ASAH2: variants seen among roughly 807,000 people sequenced by gnomAD.
The protein encoded by ASAH2 is neutral ceramidase.
ASAH2 carries 58 observed loss-of-function variants against 82.9 expected under a neutral mutation model. The ratio of observed to expected loss-of-function variants is 0.70; its 90% CI spans 0.57 to 0.87. The LOEUF (loss-of-function observed/expected upper bound fraction) is 0.87. ASAH2 is among the 40% of genes least tolerant of loss of function. The pLI is 0.00. For missense variants in ASAH2, 779 were observed against 834.0 expected (o/e 0.93, Z 0.81); for synonymous variants, 276 against 289.7 (o/e 0.95, Z 0.48).
intron 8 of ASAH2, among the ~76,000 whole-genome samples, chr10:50,215,087 A>C (rs1171528907): frequency 1.3e-5 from 2 of 152,192 alleles, no homozygotes. Context: ...CCCATTTGCC[A>C]ATGTTGGCTT....
chr10:50,243,295 A>G lies in ASAH2; in HGVS notation c.417T>C (p.Ser139=). 3 of 1,614,176 alleles carry G rather than the reference A, an allele frequency of 1.9e-6. No homozygotes were observed. The highest frequency in any genetic ancestry group is 2.5e-6 in the Non-Finnish European group (3 of 1,179,994). Residue 139 remains serine (S), a synonymous_variant, in exon 4 of 21, where the codon AGT becomes AGC. Transcript: ENST00000682911. Reference sequence around the variant, plus strand: ...CAGGTTCTGCCATGATGAAGGCACGACTGTATAGCCTGGTGAGGATGCCCT... The same window carrying G: ...CAGGTTCTGCCATGATGAAGGCACGGCTGTATAGCCTGGTGAGGATGCCCT... The part of the protein sequence containing the change: ...NAQGILTRLY[S]RAFIMAEPDG...
At chr10:50,198,113 C>T (rs1818843021) in intron 17 of ASAH2, among the ~76,000 whole-genome samples, 1 of 152,064 alleles carries the variant, frequency 6.6e-6, no homozygotes, top group African/African-American at 2.4e-5. Flanking sequence ...TTTCAACGTT[C>T]AATTGATGCA....
rs1194075120 is a variant in ASAH2 at position 50,243,354 on chromosome 10, A to T, written c.361-3T>A. 2.5e-6 allele frequency: 4 copies of T among 1,613,786 alleles called. No homozygotes were observed. In the African/African-American group the frequency reaches 5.3e-5, roughly 22 times the overall value. On this transcript the variant is annotated splice_polypyrimidine_tract_variant and splice_region_variant and intron_variant, in intron 3 of 20. Transcript: ENST00000682911. ...TGGCCGGATTTGCCATAGCCCATCT[A>T]AAGAGGAAGAGACAATCAGAGCTGC... is the stretch of plus-strand genomic sequence containing the variant.
At chr10:50,201,060 A>G (rs1326745272) in intron 16 of ASAH2, among the ~76,000 whole-genome samples, 2 of 152,036 alleles carry the variant, frequency 1.3e-5, no homozygotes, top group Admixed American at 6.6e-5. Context: ...CAGAGAAAAG[A>G]GAAGGAGCAT....
chr10:50,231,026 G>A (rs1245425686), intron 7 of ASAH2, among the ~76,000 whole-genome samples: 2 of 144,310 alleles, frequency 1.4e-5, no homozygotes, highest in Non-Finnish European at 3.0e-5. Context: ...AGGCAGCAGA[G>A]CAAAAGCTTG....
intron 20 of ASAH2, among the ~76,000 whole-genome samples, chr10:50,187,913 G>GTA (rs1473952678): frequency 5.4e-4 from 11 of 20,192 alleles, no homozygotes; most frequent in African/African-American, 6.6e-4. Context: ...ATATATATAT[G>GTA]TATATATATA....
intron 7 of ASAH2, among the ~76,000 whole-genome samples, chr10:50,225,795 G>T (rs1253845190): frequency 6.6e-6 from 1 of 152,096 alleles, no homozygotes; most frequent in African/African-American, 2.4e-5. Flanking sequence ...ATCTGTTCAA[G>T]AATGCTTATC....
At chr10:50,246,395 C>T (rs937373166) in intron 2 of ASAH2, among the ~76,000 whole-genome samples, 6 of 152,162 alleles carry the variant, frequency 3.9e-5, no homozygotes, top group African/African-American at 1.4e-4. Flanking sequence ...ATTTTCTTTA[C>T]CTATTTAGAC....
At chr10:50,244,902 C>T (rs1412505165) in intron 3 of ASAH2, among the ~76,000 whole-genome samples, 2 of 151,588 alleles carry the variant, frequency 1.3e-5, no homozygotes, top group Non-Finnish European at 2.9e-5. Context: ...TGAGCATTCA[C>T]TAGACATTTC....
At chr10:50,234,662 TGGGTCCACATTAC>T in intron 5 of ASAH2, 110 bp from the exon 6 acceptor site, 2 of 1,441,270 alleles carry the variant, frequency 1.4e-6, no homozygotes, top group Non-Finnish European at 1.9e-6. Flanking sequence ...TTGTCTCTAA[TGGGTCCACATTAC>T]GGGATAAAAG....
At chr10:50,200,800 T>C (rs899918575) in intron 16 of ASAH2, among the ~76,000 whole-genome samples, 4 of 152,112 alleles carry the variant, frequency 2.6e-5, no homozygotes, top group Admixed American at 6.6e-5. Context: ...AGTATATCCC[T>C]GTGATATGGA....
intron 7 of ASAH2, among the ~76,000 whole-genome samples, chr10:50,231,286 A>C (rs965795885): frequency 2.0e-5 from 3 of 152,106 alleles, no homozygotes; most frequent in Non-Finnish European, 2.9e-5. Flanking sequence ...CCTTTTACCA[A>C]TGCCCTGACC....
At chr10:50,214,277 A>G (rs902123878) in intron 9 of ASAH2, among the ~76,000 whole-genome samples, 47 of 152,264 alleles carry the variant, frequency 3.1e-4, no homozygotes, top group African/African-American at 1.1e-3. Flanking sequence ...ACTTTTTACT[A>G]TTCTCTGTAC....
In ASAH2 at chr10:50,214,816, T is replaced by C. The variant is rs764774098; in HGVS notation, c.1067A>G (p.Asn356Ser). 1.2e-6 allele frequency: 2 copies of C among 1,613,786 alleles called. No homozygotes were observed. The highest frequency in any genetic ancestry group is 1.7e-6 in the Non-Finnish European group (2 of 1,179,704). The change falls in exon 9 of 21, where the codon AAC becomes AGC. Residue 356 changes from asparagine to serine, a missense_variant. By Grantham distance (46) the Asn-to-Ser change is conservative. This residue lies in a region of ASAH2 where 759 missense variants were observed against 755.2 expected (regional missense o/e 1.00). Coordinates refer to ENST00000682911, the MANE Select transcript of ASAH2 (RefSeq NM_019893.4). The part of the protein sequence containing the change: ...ASSNLGDVSP[N>S]ILGPRCINTG... ...GTTGATGCAACGTGGTCCAAGAATG[T>C]TGGGGGACACATCTCCTAGGTTTGA...
At chr10:50,212,093 A>G (rs1342774660) in intron 10 of ASAH2, among the ~76,000 whole-genome samples, 6 of 151,884 alleles carry the variant, frequency 4.0e-5, no homozygotes, top group African/African-American at 1.5e-4. Flanking sequence ...TGTTGCTACC[A>G]ATTTTGTGTC....
chr10:50,203,072 G>T (rs1239176380), intron 15 of ASAH2, 148 bp from the exon 16 acceptor site: 3 of 654,356 alleles, frequency 4.6e-6, no homozygotes, highest in African/African-American at 1.8e-5. Context: ...ACTACAGTTG[G>T]ACAAGTCAAT....
intron 4 of ASAH2, among the ~76,000 whole-genome samples, chr10:50,240,316 C>A (rs1846263360): frequency 6.6e-6 from 1 of 152,166 alleles, no homozygotes; most frequent in Non-Finnish European, 1.5e-5. Flanking sequence ...TTGTAAAACT[C>A]CCCTGGGTGA....
At chr10:50,224,825 T>C (rs1447322279) in intron 7 of ASAH2, among the ~76,000 whole-genome samples, 4 of 152,116 alleles carry the variant, frequency 2.6e-5, no homozygotes, top group Non-Finnish European at 5.9e-5. Context: ...GAAAGGGTGT[T>C]TCATTGTCTT....
In ASAH2 at chr10:50,241,395, A is replaced by G. The variant is rs144209627; in HGVS notation, c.510+1807T>C. On this transcript the variant is annotated intron_variant, in intron 4 of 20. Coordinates refer to ENST00000682911, the MANE Select transcript of ASAH2 (RefSeq NM_019893.4). Reference sequence around the variant, plus strand: ...ATTTCTGTGTATCTCTATATTTCATAGTCCTTCCTTCTATCCACCACCTAG... The same window carrying G: ...ATTTCTGTGTATCTCTATATTTCATGGTCCTTCCTTCTATCCACCACCTAG... Among the ~76,000 whole-genome samples the G allele has an allele frequency of 2.5e-3, 383 of 152,318 alleles. 1 individual carries two copies. The highest frequency in any genetic ancestry group is 8.9e-3 in the African/African-American group (372 of 41,574).
Sources: gnomAD v4.1 joint callset for allele counts (sites outside exome capture counted in the v4.1 genomes callset) on GRCh38, gnomAD v4.1.1 for gene constraint, gnomAD v4.1.1 regional missense constraint, MANE v1.5 for transcripts, NCBI Gene and HGNC (gene_info 2026-07-23, HGNC 2026-07-21) for gene names.